TTC27: variants seen among roughly 807,000 people sequenced by gnomAD.
TTC27 encodes the protein tetratricopeptide repeat protein 27.
TTC27 carries 79 observed loss-of-function variants against 115.9 expected under a neutral mutation model. The ratio of observed to expected loss-of-function variants is 0.68; its 90% CI spans 0.57 to 0.82. The LOEUF (loss-of-function observed/expected upper bound fraction) is 0.82, where lower values mean the gene tolerates loss of function less well. Among genes scored for constraint, TTC27 ranks in the 40% least tolerant of loss-of-function variants. TTC27 has a pLI of 0.00. For missense variants in TTC27, 1,054 were observed against 993.1 expected, an observed-to-expected ratio of 1.06 and a Z score of -0.82; for synonymous variants, 401 against 356.0, an observed-to-expected ratio of 1.13 and a Z score of -1.42.
chr2:32,808,483 G>T (rs557266813), intron 16 of TTC27, among the ~76,000 whole-genome samples: 1 of 152,262 alleles, frequency 6.6e-6, no homozygotes, highest in African/African-American at 2.4e-5. Flanking sequence ...ATCTGCATAT[G>T]AACTGGGCAG....
intron 10 of TTC27, among the ~76,000 whole-genome samples, chr2:32,719,847 A>G (rs1572546386): frequency 6.6e-6 from 1 of 152,140 alleles, no homozygotes; most frequent in South Asian, 2.1e-4. Context: ...TCACAGGGGG[A>G]AAGGATGGTT....
At chr2:32,639,744 C>T (rs1664569554) in intron 3 of TTC27, among the ~76,000 whole-genome samples, 1 of 152,190 alleles carries the variant, frequency 6.6e-6, no homozygotes, top group South Asian at 2.1e-4. Flanking sequence ...AAGCTTTCAC[C>T]TGTAATCCCA....
At chr2:32,757,691 C>CT (rs777607546) in intron 12 of TTC27, among the ~76,000 whole-genome samples, 63 of 149,520 alleles carry the variant, frequency 4.2e-4, no homozygotes, top group Admixed American at 1.2e-3. Flanking sequence ...GTAAAAACAA[C>CT]TTTTTTTTTT....
chr2:32,761,332 G>C (rs1381752939), intron 13 of TTC27, among the ~76,000 whole-genome samples: 1 of 152,046 alleles, frequency 6.6e-6, no homozygotes, highest in Non-Finnish European at 1.5e-5. Context: ...CTGTCATCCT[G>C]GTCCAAATCC....
At chr2:32,793,960 T>C (rs1489043660) in intron 16 of TTC27, among the ~76,000 whole-genome samples, 2 of 152,204 alleles carry the variant, frequency 1.3e-5, no homozygotes, top group Non-Finnish European at 2.9e-5. Context: ...GCTTTCTATG[T>C]AATTTAAGAG....
intron 16 of TTC27, among the ~76,000 whole-genome samples, chr2:32,791,764 A>G (rs1233707446): frequency 6.6e-6 from 1 of 152,144 alleles, no homozygotes; most frequent in Non-Finnish European, 1.5e-5. Flanking sequence ...AGCCCCAGCT[A>G]CTTGTGAGGC....
In TTC27 at chr2:32,698,731, C is replaced by T. The variant is rs574510898; in HGVS notation, c.1120-4076C>T. Among the ~76,000 whole-genome samples, 7 of 152,140 alleles carry T rather than the reference C, an allele frequency of 4.6e-5. No individual in the cohort carries two copies. In the South Asian group the frequency reaches 1.2e-3, roughly 27 times the overall value. ...TCCTGACCTCATGATCCGCCCGCCT[C>T]GGCCTCCCAAAGTGCTGGGATTACA... On this transcript the variant is annotated intron_variant, in intron 9 of 19. Coordinates refer to ENST00000317907, the MANE Select transcript of TTC27 (RefSeq NM_017735.5).
At chr2:32,710,575 A>C (rs903366370) in intron 10 of TTC27, among the ~76,000 whole-genome samples, 1 of 151,620 alleles carries the variant, frequency 6.6e-6, no homozygotes, top group Non-Finnish European at 1.5e-5. Flanking sequence ...GATTACAGGC[A>C]TATGCCACCA....
intron 5 of TTC27, among the ~76,000 whole-genome samples, chr2:32,656,341 GA>G (rs1397521487): frequency 6.6e-6 from 1 of 152,216 alleles, no homozygotes; most frequent in Non-Finnish European, 1.5e-5. Context: ...GGAGGTCAGA[GA>G]AACCTTCACG....
At chr2:32,651,650 C>G (rs928847673) in intron 5 of TTC27, among the ~76,000 whole-genome samples, 4 of 152,104 alleles carry the variant, frequency 2.6e-5, no homozygotes, top group Non-Finnish European at 5.9e-5. Context: ...CGGCGTCCTT[C>G]AAGAGTTTTT....
Position 32,682,447 on chromosome 2 carries a change from A to G in TTC27, c.1119+3525A>G, listed in dbSNP as rs546152213. 4.6e-5 allele frequency among the ~76,000 whole-genome samples: 7 copies of G among 152,288 alleles called. No homozygotes were observed. In the East Asian group the frequency reaches 1.4e-3, roughly 29 times the overall value. On this transcript the variant is annotated intron_variant, in intron 9 of 19. Transcript: ENST00000317907. The stretch of plus-strand genomic sequence containing the variant: ...CAGTGATGCTAGTTTGTAGTAAAGC[A>G]TTCTTATTTTCAAGCAGGCTAAATG...
At chr2:32,704,414 C>T (rs1172418390) in intron 10 of TTC27, among the ~76,000 whole-genome samples, 3 of 152,192 alleles carry the variant, frequency 2.0e-5, no homozygotes, top group South Asian at 4.1e-4. Flanking sequence ...TCTTGAACTC[C>T]TGGCCTCCAG....
At chr2:32,782,783 C>A in intron 15 of TTC27, 105 bp downstream of exon 15, 1 of 880,982 alleles carries the variant, frequency 1.1e-6, no homozygotes, top group South Asian at 1.8e-5. Flanking sequence ...TTACCTTTCT[C>A]GCCCATGTAT....
At chr2:32,783,047 T>C (rs1670235272) in intron 15 of TTC27, among the ~76,000 whole-genome samples, 1 of 152,130 alleles carries the variant, frequency 6.6e-6, no homozygotes, top group South Asian at 2.1e-4. Context: ...TATTGAGAAA[T>C]ATAAATAAAT....
At chr2:32,766,895 GC>G (rs1388662445) in intron 13 of TTC27, among the ~76,000 whole-genome samples, 2 of 152,048 alleles carry the variant, frequency 1.3e-5, no homozygotes, top group East Asian at 3.9e-4. Context: ...AAGCAATCCT[GC>G]TGCGTCAGCC....
At chr2:32,660,117 T>C (rs962893197) in intron 5 of TTC27, among the ~76,000 whole-genome samples, 1 of 152,190 alleles carries the variant, frequency 6.6e-6, no homozygotes. Context: ...GTTGAACTAA[T>C]TTACATTCCC....
At chr2:32,641,233 T>C (rs1309499003) in intron 4 of TTC27, among the ~76,000 whole-genome samples, 1 of 152,194 alleles carries the variant, frequency 6.6e-6, no homozygotes, top group African/African-American at 2.4e-5. Flanking sequence ...AGAATGCTAA[T>C]ATGCAGAAAG....
In TTC27 at chr2:32,672,294, C is replaced by G. The variant is rs1184758597; in HGVS notation, c.962C>G (p.Thr321Ser). 13 of 1,613,550 alleles carry G rather than the reference C, an allele frequency of 8.1e-6. No individual in the cohort carries two copies. Among genetic ancestry groups the G allele is most frequent in the Non-Finnish European group, 1.1e-5 (13 of 1,179,618 alleles). The change falls in exon 8 of 20, where the codon ACC becomes AGC. Residue 321 changes from threonine (T) to serine (S), a missense_variant. Coordinates refer to ENST00000317907, the MANE Select transcript of TTC27 (RefSeq NM_017735.5). Reference protein sequence around the residue: ...LTKNLELNDDTILNDIKLADC... With the variant: ...LTKNLELNDDSILNDIKLADC... ...TAGAATCTTGAGCTCAATGATGACA[C>G]CATTCTGAATGACATAAAGTTAGCA...
intron 18 of TTC27, among the ~76,000 whole-genome samples, chr2:32,815,967 C>G (rs1368785353): frequency 1.3e-5 from 2 of 152,164 alleles, no homozygotes; most frequent in Admixed American, 6.6e-5. Context: ...AATGACAGAA[C>G]TCTGTTTTGC....
Sources: allele counts gnomAD v4.1 joint callset (sites outside exome capture counted in the v4.1 genomes callset), GRCh38; gene constraint gnomAD v4.1.1; transcripts MANE v1.5; gene names NCBI Gene and HGNC (gene_info 2026-07-23, HGNC 2026-07-21).